INPP5A: variants seen among roughly 807,000 people sequenced by gnomAD.
INPP5A encodes 43 kDa inositol polyphosphate 5-phophatase.
INPP5A carries 14 observed loss-of-function variants against 65.2 expected under a neutral mutation model. The observed-to-expected ratio is 0.21, with a 90% CI of 0.14 to 0.34. The LOEUF is 0.34. INPP5A is among the 10% of genes least tolerant of loss of function. The pLI, the probability that INPP5A is intolerant of heterozygous loss-of-function variation, is 1.00. For synonymous variants in INPP5A, 207 were observed against 208.3 expected (o/e 0.99, Z 0.05); for missense variants, 431 against 545.6 (o/e 0.79, Z 2.09).
intron 2 of INPP5A, among the ~76,000 whole-genome samples, chr10:132,640,168 G>A (rs1176461115): frequency 6.6e-6 from 1 of 152,224 alleles, no homozygotes; most frequent in East Asian, 1.9e-4. Flanking sequence ...TATAGACACT[G>A]GCTTTTCTTA....
chr10:132,779,446 C>T (rs1015114300), intron 13 of INPP5A, among the ~76,000 whole-genome samples: 1 of 152,276 alleles, frequency 6.6e-6, no homozygotes, highest in African/African-American at 2.4e-5. Flanking sequence ...GTGAGCAGCG[C>T]CCAAGGGCAG....
chr10:132,719,072 G>A (rs1164627223), intron 8 of INPP5A, among the ~76,000 whole-genome samples: 2 of 141,660 alleles, frequency 1.4e-5, no homozygotes, highest in East Asian at 2.1e-4. Context: ...CGGCTGTCTC[G>A]CGGGTTCTGT....
At chr10:132,594,202 G>A (rs1564927790) in intron 1 of INPP5A, among the ~76,000 whole-genome samples, 1 of 152,168 alleles carries the variant, frequency 6.6e-6, no homozygotes, top group Non-Finnish European at 1.5e-5. Flanking sequence ...TCCTTCTTGT[G>A]CTGTGATCTA....
rs1380661843 is a variant in INPP5A at position 132,675,561 on chromosome 10, G to A, written c.307-14831G>A. Among the ~76,000 whole-genome samples, 1 of 152,190 alleles carries A rather than the reference G, an allele frequency of 6.6e-6. No individual in the cohort carries two copies. The highest frequency in any genetic ancestry group is 1.5e-5 in the Non-Finnish European group (1 of 68,032). On this transcript the variant is annotated intron_variant, in intron 4 of 15. Coordinates refer to ENST00000368594, the MANE Select transcript of INPP5A (RefSeq NM_005539.5). The surrounding 1 kb of genome is among the most constrained non-coding windows in gnomAD (Gnocchi z 4.2). ...ATGGGGGTGGGTGCGTGTGGAGTGA[G>A]CGTTCCAGGGGCCTTGCCGTGCCCG...
At chr10:132,594,746 T>G (rs2071662818) in intron 1 of INPP5A, among the ~76,000 whole-genome samples, 1 of 152,076 alleles carries the variant, frequency 6.6e-6, no homozygotes, top group Non-Finnish European at 1.5e-5. Context: ...GGCCCAGTTG[T>G]AGCAGCTCTT....
chr10:132,630,982 A>C (rs1230813553), intron 2 of INPP5A, among the ~76,000 whole-genome samples: 2 of 152,106 alleles, frequency 1.3e-5, no homozygotes, highest in African/African-American at 4.8e-5. Flanking sequence ...TCTGGGGGGA[A>C]GGCTGCTGCA....
intron 7 of INPP5A, among the ~76,000 whole-genome samples, chr10:132,708,829 T>C (rs1425462820): frequency 6.6e-6 from 1 of 152,138 alleles, no homozygotes; most frequent in African/African-American, 2.4e-5. Flanking sequence ...GTGAACATGT[T>C]CTCGATAGCG....
At position 132,707,880 on chromosome 10, in the gene INPP5A, G is replaced by A. The variant is rs528338080; in HGVS notation, c.475-433G>A. On this transcript the variant is annotated intron_variant, in intron 6 of 15. Transcript: ENST00000368594. This position sits in a 1 kb window ranked among gnomAD's most constrained non-coding sequence, Gnocchi z 5.5. ...TCAGTGAGAGACCACACACACTGTT[G>A]GGGTGGGCAGGTCACCCACTGTCCA... 5.9e-5 allele frequency among the ~76,000 whole-genome samples: 9 copies of A among 152,288 alleles called. No individual in the cohort carries two copies. In the South Asian group the frequency reaches 1.9e-3, roughly 32 times the overall value.
At chr10:132,572,416 G>C (rs1046231557) in intron 1 of INPP5A, among the ~76,000 whole-genome samples, 1 of 152,196 alleles carries the variant, frequency 6.6e-6, no homozygotes, top group Non-Finnish European at 1.5e-5. Context: ...GGGAGGAGTC[G>C]TGGTTTCTGG....
At chr10:132,703,912 C>G (rs368996731) in intron 6 of INPP5A, among the ~76,000 whole-genome samples, 1 of 121,744 alleles carries the variant, frequency 8.2e-6, no homozygotes, top group Admixed American at 8.1e-5. Context: ...GGCTTCACCC[C>G]CACACACACA....
intron 3 of INPP5A, 79 bp downstream of exon 3, chr10:132,646,047 A>G (rs1454561914): frequency 4.0e-5 from 36 of 893,578 alleles, no homozygotes; most frequent in Middle Eastern, 2.1e-4. Context: ...TCATGGTACT[A>G]TGATCACCAG....
intron 13 of INPP5A, among the ~76,000 whole-genome samples, chr10:132,780,073 G>A (rs928072497): frequency 2.0e-5 from 3 of 152,250 alleles, no homozygotes; most frequent in Admixed American, 6.5e-5. Context: ...ATGCGGTGCC[G>A]AAGCTTGTTT....
In INPP5A at chr10:132,768,153, C is replaced by T. The variant is rs190708716; in HGVS notation, c.977+2307C>T. 4.5e-3 allele frequency among the ~76,000 whole-genome samples: 672 copies of T among 148,968 alleles called. 4 individuals are homozygous for T. The highest frequency in any genetic ancestry group is 0.011 in the Middle Eastern group (3 of 266). On this transcript the variant is annotated intron_variant, in intron 12 of 15. Transcript: ENST00000368594. ...TGCCCATTGGCATTCCAGAAAGATC[C>T]ATGGATCCCTGACCCTCAGCGTTCC...
chr10:132,722,301 A>G (rs2134569597), intron 8 of INPP5A, among the ~76,000 whole-genome samples: 1 of 152,274 alleles, frequency 6.6e-6, no homozygotes, highest in East Asian at 1.9e-4. Flanking sequence ...AAAAGGAAAG[A>G]AGGAAAAAAA....
At chr10:132,774,523 A>C (rs1371876851) in intron 12 of INPP5A, among the ~76,000 whole-genome samples, 1 of 152,196 alleles carries the variant, frequency 6.6e-6, no homozygotes, top group Non-Finnish European at 1.5e-5. Context: ...GCGGCTGAGC[A>C]CTGTGGCGAA....
chr10:132,773,233 A>C (rs974291282), intron 12 of INPP5A, among the ~76,000 whole-genome samples: 2 of 152,226 alleles, frequency 1.3e-5, no homozygotes, highest in African/African-American at 4.8e-5. Flanking sequence ...ACCCGTCAAA[A>C]CGTTTCAAAG....
chr10:132,610,241 C>T (rs1161549779), intron 2 of INPP5A, among the ~76,000 whole-genome samples: 1 of 152,200 alleles, frequency 6.6e-6, no homozygotes, highest in Non-Finnish European at 1.5e-5. Context: ...CCGGAAAGGT[C>T]GATGTGGAGG....
intron 1 of INPP5A, among the ~76,000 whole-genome samples, chr10:132,559,530 A>G (rs1426435932): frequency 6.6e-6 from 1 of 151,832 alleles, no homozygotes; most frequent in African/African-American, 2.4e-5. Flanking sequence ...CCACGAAGCC[A>G]CTTCTGTCTC....
chr10:132,537,842 T>C lies in INPP5A; in HGVS notation c.-255T>C. On this transcript the variant is annotated 5_prime_UTR_variant, in exon 1 of 16. It removes an upstream start codon present in the reference 5' UTR. Transcript: ENST00000368594. ...GCGGGAACTTTCCCAGCGGATCTAA[T>C]GGCTGCGCGCGGGCCGCTGTGAGGC... 2 of 269,582 alleles carry C rather than the reference T, an allele frequency of 7.4e-6. No individual in the cohort carries two copies. Among genetic ancestry groups the C allele is most frequent in the Non-Finnish European group, 1.4e-5 (2 of 146,780 alleles). 16.7% of individuals were successfully genotyped at this position (269,582 alleles called of 1,614,324 possible).
Sources: gnomAD v4.1 joint callset for allele counts (sites outside exome capture counted in the v4.1 genomes callset) on GRCh38, gnomAD v4.1.1 for gene constraint, Gnocchi (gnomAD v3.1) non-coding constraint, MANE v1.5 for transcripts, NCBI Gene and HGNC (gene_info 2026-07-23, HGNC 2026-07-21) for gene names.